The following TRPS1 variants were observed in gnomAD, a reference collection of about 807,000 sequenced individuals.
The protein encoded by TRPS1 is zinc finger transcription factor Trps1.
A neutral mutation model predicts 101.2 loss-of-function variants in TRPS1; 6 were observed. The observed-to-expected ratio is 0.06, with a 90% CI of 0.03 to 0.12. TRPS1 has a LOEUF of 0.12. Ranked by LOEUF, TRPS1 falls within the 10% of genes least tolerant of loss-of-function variation. The probability of loss-of-function intolerance (pLI) is 1.00; values close to 1 mark genes in which losing one functional copy is unlikely to be tolerated. For synonymous variants in TRPS1, 578 were observed against 589.8 expected, an observed-to-expected ratio of 0.98 and a Z score of 0.29; for missense variants, 1,363 against 1,567.0, an observed-to-expected ratio of 0.87 and a Z score of 2.20.
At chr8:115,420,328 T>C (rs975021468) in intron 5 of TRPS1, among the ~76,000 whole-genome samples, 5 of 152,230 alleles carry the variant, frequency 3.3e-5, no homozygotes, top group African/African-American at 1.2e-4. Context: ...ATCAAACATT[T>C]TGGGGACTCC....
At chr8:115,612,437 G>A (rs1227732259) in intron 3 of TRPS1, among the ~76,000 whole-genome samples, 2 of 152,184 alleles carry the variant, frequency 1.3e-5, no homozygotes, top group African/African-American at 4.8e-5. Context: ...TTTGGGGCGT[G>A]ATATCAAACA....
chr8:115,609,885 C>T (rs1342886362), intron 3 of TRPS1, among the ~76,000 whole-genome samples: 1 of 151,972 alleles, frequency 6.6e-6, no homozygotes, highest in East Asian at 1.9e-4. Context: ...AATGTTTTAC[C>T]GTAGAAGTGA....
At chr8:115,495,821 T>G (rs1466969292) in intron 5 of TRPS1, among the ~76,000 whole-genome samples, 1 of 152,196 alleles carries the variant, frequency 6.6e-6, no homozygotes, top group Non-Finnish European at 1.5e-5. Flanking sequence ...CTTATCATAC[T>G]GTTCAAACAA....
intron 6 of TRPS1, among the ~76,000 whole-genome samples, chr8:115,416,500 T>C (rs897546532): frequency 6.7e-6 from 1 of 148,868 alleles, no homozygotes; most frequent in Non-Finnish European, 1.5e-5. Context: ...ACATTATGTG[T>C]ATATAATGTA....
chr8:115,533,151 T>C (rs1436951715), intron 5 of TRPS1, among the ~76,000 whole-genome samples: 1 of 152,004 alleles, frequency 6.6e-6, no homozygotes, highest in East Asian at 1.9e-4. Flanking sequence ...TATGAGAGAG[T>C]AAATTCTAGC....
chr8:115,587,959 C>G (rs553105317), intron 4 of TRPS1, among the ~76,000 whole-genome samples: 1 of 152,232 alleles, frequency 6.6e-6, no homozygotes, highest in African/African-American at 2.4e-5. Context: ...ATGCCCCACT[C>G]TGTTCATTTT....
At chr8:115,434,983 A>C (rs117893126) in intron 5 of TRPS1, among the ~76,000 whole-genome samples, 3,554 of 152,294 alleles carry the variant, frequency 0.023, 67 homozygotes, top group Non-Finnish European at 0.035. Context: ...CATCACTATA[A>C]CACATCGAAG....
At chr8:115,497,364 G>A (rs1242625401) in intron 5 of TRPS1, among the ~76,000 whole-genome samples, 3 of 152,170 alleles carry the variant, frequency 2.0e-5, no homozygotes, top group Non-Finnish European at 4.4e-5. Context: ...GATAGGAGGC[G>A]GAGCTCGGGC....
intron 1 of TRPS1, among the ~76,000 whole-genome samples, chr8:115,632,361 A>G (rs865793137): frequency 2.8e-4 from 42 of 152,272 alleles, no homozygotes; most frequent in African/African-American, 7.9e-4. Flanking sequence ...TTTTAAGAGA[A>G]TAGCCTGGAA....
chr8:115,459,587 A>G (rs1450947083), intron 5 of TRPS1, among the ~76,000 whole-genome samples: 1 of 152,152 alleles, frequency 6.6e-6, no homozygotes, highest in East Asian at 1.9e-4. Context: ...AGATAATAAA[A>G]CGATGATCCC....
intron 5 of TRPS1, among the ~76,000 whole-genome samples, chr8:115,567,271 T>G (rs1286156897): frequency 6.6e-6 from 1 of 152,148 alleles, no homozygotes; most frequent in East Asian, 1.9e-4. Context: ...GTACATCAAT[T>G]CCTAGTTACA....
intron 5 of TRPS1, among the ~76,000 whole-genome samples, chr8:115,498,841 C>T (rs937421017): frequency 7.9e-5 from 12 of 151,916 alleles, no homozygotes; most frequent in East Asian, 1.9e-4. Context: ...TGAGTTAATC[C>T]GGGTTGTTAA....
chr8:115,443,245 G>A (rs2129891722), intron 5 of TRPS1, among the ~76,000 whole-genome samples: 2 of 152,300 alleles, frequency 1.3e-5, no homozygotes, highest in Middle Eastern at 6.8e-3. Context: ...ACTCCAGCCT[G>A]GGTGACAGAG....
chr8:115,610,301 T>C (rs1818133341), intron 3 of TRPS1, among the ~76,000 whole-genome samples: 1 of 152,148 alleles, frequency 6.6e-6, no homozygotes, highest in South Asian at 2.1e-4. Context: ...TTGAAAAAAG[T>C]CTGTAAGGGC....
chr8:115,519,169 T>C (rs1005565863), intron 5 of TRPS1, among the ~76,000 whole-genome samples: 16 of 151,606 alleles, frequency 1.1e-4, no homozygotes, highest in Non-Finnish European at 2.4e-4. Flanking sequence ...GGACAGTAAA[T>C]TGGACAAGAA....
intron 5 of TRPS1, among the ~76,000 whole-genome samples, chr8:115,484,095 G>T (rs1226627874): frequency 1.3e-5 from 2 of 152,006 alleles, no homozygotes; most frequent in Non-Finnish European, 2.9e-5. Context: ...ATGAGGTCAT[G>T]ATAAATCAAA....
chr8:115,602,126 T>C (rs1214701731), intron 4 of TRPS1, among the ~76,000 whole-genome samples: 2 of 152,086 alleles, frequency 1.3e-5, no homozygotes, highest in South Asian at 2.1e-4. Context: ...GGTATCTAGA[T>C]GTATCAGAAT....
At chr8:115,534,087 C>T (rs1045075845) in intron 5 of TRPS1, among the ~76,000 whole-genome samples, 1 of 152,068 alleles carries the variant, frequency 6.6e-6, no homozygotes, top group South Asian at 2.1e-4. Flanking sequence ...TACCATCACA[C>T]TGGAGGCTGA....
intron 5 of TRPS1, among the ~76,000 whole-genome samples, chr8:115,522,333 A>G (rs1815885876): frequency 6.6e-6 from 1 of 152,020 alleles, no homozygotes; most frequent in Non-Finnish European, 1.5e-5. Context: ...ATATATCTCA[A>G]ATATCTACCT....
Sources: allele counts gnomAD v4.1 joint callset (sites outside exome capture counted in the v4.1 genomes callset), GRCh38; gene constraint gnomAD v4.1.1; transcripts MANE v1.5; gene names NCBI Gene and HGNC (gene_info 2026-07-23, HGNC 2026-07-21).